Variants in C11orf87 observed in about 807,000 individuals in gnomAD.
The protein encoded by C11orf87 is uncharacterized protein C11orf87.
Under a neutral mutation model 9.2 loss-of-function variants are expected in C11orf87, and 3 were observed. The ratio of observed to expected loss-of-function variants is 0.33; its 90% CI spans 0.15 to 0.84. The LOEUF (loss-of-function observed/expected upper bound fraction) is 0.84, where lower values mean the gene tolerates loss of function less well. C11orf87 is among the 40% of genes least tolerant of loss of function. The pLI, the probability that C11orf87 is intolerant of heterozygous loss-of-function variation, is 0.55. For missense variants in C11orf87, 256 were observed against 270.7 expected (o/e 0.95, Z 0.38); for synonymous variants, 124 against 124.6 (o/e 1.00, Z 0.03).
At position 109,424,039 on chromosome 11, in the gene C11orf87, C is replaced by T. The variant is rs769535254; in HGVS notation, c.406C>T (p.Arg136Trp). ...AKETRLERQP[R>W]DSPFCAPSNA... is the part of the protein sequence containing the mutation. ...GGAAACCCGGCTGGAGAGGCAGCCC[C>T]GGGACTCTCCCTTCTGCGCCCCTTC... The change falls in exon 2 of 2, where the codon CGG (arginine) becomes TGG (tryptophan). Residue 136 changes from arginine to tryptophan, a missense_variant. Coordinates refer to ENST00000327419, the MANE Select transcript of C11orf87 (RefSeq NM_207645.4). The surrounding 1 kb of genome is among the most constrained non-coding windows in gnomAD (Gnocchi z 4.7). 5.6e-6 allele frequency: 9 copies of T among 1,613,950 alleles called. No homozygotes were observed. The highest frequency in any genetic ancestry group is 5.0e-5 in the Admixed American group (3 of 60,022).
At position 109,425,573 on chromosome 11, in the gene C11orf87, G is replaced by A. The variant is rs969384245; in HGVS notation, c.*1346G>A. 1 of 166,806 alleles carries A rather than the reference G, an allele frequency of 6.0e-6. No homozygotes were observed. Among genetic ancestry groups the A allele is most frequent in the Non-Finnish European group, 1.5e-5 (1 of 68,104 alleles). 10.3% of individuals were successfully genotyped at this position (166,806 alleles called of 1,614,324 possible). On this transcript the variant is annotated 3_prime_UTR_variant, in exon 2 of 2. Coordinates refer to ENST00000327419, the MANE Select transcript of C11orf87 (RefSeq NM_207645.4). ...TTCTTTTGTACCTTATTCTGTAGTAGACTGTTATAAAAAGATGACACACAC... is the reference window on the plus strand; with the variant it reads ...TTCTTTTGTACCTTATTCTGTAGTAAACTGTTATAAAAAGATGACACACAC...
chr11:109,423,665 T>A lies in C11orf87; in HGVS notation c.32T>A (p.Leu11Gln), dbSNP rs1197950435. 1.9e-6 allele frequency: 3 copies of A among 1,606,410 alleles called. No homozygotes were observed. Among genetic ancestry groups the A allele is most frequent in the Non-Finnish European group, 2.5e-6 (3 of 1,179,678 alleles). Residue 11 changes from leucine to glutamine, a missense_variant, in exon 2 of 2, where the codon CTG becomes CAG. Coordinates refer to ENST00000327419, the MANE Select transcript of C11orf87 (RefSeq NM_207645.4). This position sits in a 1 kb window ranked among gnomAD's most constrained non-coding sequence, Gnocchi z 5.3. MSARAPKELR[L>Q]ALPPCLLNRT... ...GCCAGGGCGCCGAAGGAGCTGAGGC[T>A]GGCGTTGCCGCCGTGTCTCCTCAAC...
chr11:109,424,277 C>A lies in C11orf87; in HGVS notation c.*50C>A. 6.8e-7 allele frequency: 1 copy of A among 1,476,490 alleles called. No homozygotes were observed. The highest frequency in any genetic ancestry group is 1.2e-5 in the South Asian group (1 of 82,308). 91.5% of individuals were successfully genotyped at this position (1,476,490 alleles called of 1,614,324 possible). A position where few individuals can be genotyped will look rare whatever the true frequency, so the allele number is the denominator to read the frequency against. On this transcript the variant is annotated 3_prime_UTR_variant, in exon 2 of 2. Coordinates refer to ENST00000327419, the MANE Select transcript of C11orf87 (RefSeq NM_207645.4). The surrounding 1 kb of genome is among the most constrained non-coding windows in gnomAD (Gnocchi z 4.7). Reference sequence around the variant, plus strand: ...TCCTCGTTTCCAGCATCTTTGCCACCCTTGCTTTTTTCCTTCTTCCTTCCT... The same window carrying A: ...TCCTCGTTTCCAGCATCTTTGCCACACTTGCTTTTTTCCTTCTTCCTTCCT...
rs975494627 is a variant in C11orf87, at chr11:109,427,412, C to T, written c.*3185C>T. ...TGAAATTCTAGTAATCCAGTTTCCACACAAAATTATTTCAATAAGCACATA... is the reference window on the plus strand; with the variant it reads ...TGAAATTCTAGTAATCCAGTTTCCATACAAAATTATTTCAATAAGCACATA... On this transcript the variant is annotated 3_prime_UTR_variant, in exon 2 of 2. Coordinates refer to ENST00000327419, the MANE Select transcript of C11orf87 (RefSeq NM_207645.4). 4 of 152,068 alleles carry T rather than the reference C, an allele frequency of 2.6e-5. No homozygotes were observed. Among genetic ancestry groups the T allele is most frequent in the Non-Finnish European group, 5.9e-5 (4 of 67,982 alleles). The allele number at this position is 152,068 out of a possible 1,614,324, so 9.4% of individuals were successfully genotyped here.
Position 109,424,319 on chromosome 11 carries a change from G to A in C11orf87, c.*92G>A, listed in dbSNP as rs959676697. On this transcript the variant is annotated 3_prime_UTR_variant, in exon 2 of 2. Transcript: ENST00000327419. This position sits in a 1 kb window ranked among gnomAD's most constrained non-coding sequence, Gnocchi z 4.7. ...TTCCTTCCTTTTCCATTTTCCTCTG[G>A]CCCCTCTTTCCTCTTCCTGGTTTCC... 3.5e-5 allele frequency: 37 copies of A among 1,055,778 alleles called. No homozygotes were observed. The East Asian group carries it at 9.4e-4, about 27-fold the overall frequency. 65.4% of individuals were successfully genotyped at this position (1,055,778 alleles called of 1,614,324 possible).
rs770848850 is a variant in C11orf87, at chr11:109,427,953, G to A, written c.*3726G>A. On this transcript the variant is annotated 3_prime_UTR_variant, in exon 2 of 2. Coordinates refer to ENST00000327419, the MANE Select transcript of C11orf87 (RefSeq NM_207645.4). ...ACCCAAAGAGGATACTGAAAAGTCC[G>A]GTATGTGCATGCACTTGTTTCTCTG... 2 of 151,960 alleles carry A rather than the reference G, an allele frequency of 1.3e-5. No individual in the cohort carries two copies. The highest frequency in any genetic ancestry group is 2.9e-5 in the Non-Finnish European group (2 of 67,968). 9.4% of individuals were successfully genotyped at this position (151,960 alleles called of 1,614,324 possible). A position where few individuals can be genotyped will look rare whatever the true frequency, so the allele number is the denominator to read the frequency against.
chr11:109,423,801 G>A lies in C11orf87; in HGVS notation c.168G>A (p.Gln56=), dbSNP rs748901880. Residue 56 remains glutamine, a synonymous_variant, in exon 2 of 2, where the codon CAG becomes CAA. Transcript: ENST00000327419. The surrounding 1 kb of genome is among the most constrained non-coding windows in gnomAD (Gnocchi z 5.3). ...CITQVGQQLF[Q]SFSSTLVLIV... ...CGCAGGTGGGACAGCAGCTCTTCCAGTCCTTCTCCTCCACGCTGGTGCTGA... is the reference window on the plus strand; with the variant it reads ...CGCAGGTGGGACAGCAGCTCTTCCAATCCTTCTCCTCCACGCTGGTGCTGA... The A allele has an allele frequency of 1.2e-6, 2 of 1,614,004 alleles. No homozygotes were observed. The highest frequency in any genetic ancestry group is 8.5e-7 in the Non-Finnish European group (1 of 1,179,990).
chr11:109,428,540 T>C lies in C11orf87; in HGVS notation c.*4313T>C, dbSNP rs1448302815. On this transcript the variant is annotated 3_prime_UTR_variant, in exon 2 of 2. Coordinates refer to ENST00000327419, the MANE Select transcript of C11orf87 (RefSeq NM_207645.4). ...TAAAGTAGAACCAGAAATTTTAATA[T>C]AATCTGATCAGGTTCCTTAGTCCCA... 6.6e-6 allele frequency: 1 copy of C among 152,170 alleles called. No individual in the cohort carries two copies. The highest frequency in any genetic ancestry group is 6.5e-5 in the Admixed American group (1 of 15,270). The allele number at this position is 152,170 out of a possible 1,614,324, so 9.4% of individuals were successfully genotyped here.
chr11:109,428,129 A>C lies in C11orf87; in HGVS notation c.*3902A>C, dbSNP rs1860597331. On this transcript the variant is annotated 3_prime_UTR_variant, in exon 2 of 2. Transcript: ENST00000327419. ...GTTATGACCATATCAATGTGGTCTA[A>C]ATATCTAGATGGAAAGCAAAAATAT... is the stretch of plus-strand genomic sequence containing the variant. 6.6e-6 allele frequency: 1 copy of C among 152,166 alleles called. No homozygotes were observed. The highest frequency in any genetic ancestry group is 1.5e-5 in the Non-Finnish European group (1 of 67,992). The allele number at this position is 152,166 out of a possible 1,614,324, so 9.4% of individuals were successfully genotyped here.
chr11:109,427,262 T>TTTAA lies in C11orf87; in HGVS notation c.*3037_*3040dup, dbSNP rs1243417369. 3 of 152,222 alleles carry TTTAA rather than the reference T, an allele frequency of 2.0e-5. No individual in the cohort carries two copies. Among genetic ancestry groups the TTTAA allele is most frequent in the African/African-American group, 7.2e-5 (3 of 41,464 alleles). 9.4% of individuals were successfully genotyped at this position (152,222 alleles called of 1,614,324 possible). ...CATTAATTGACTGTAGTTTAATATT[T>TTTAA]TTAATAGTGCTCTGTGTAAAGATGA... On this transcript the variant is annotated 3_prime_UTR_variant, in exon 2 of 2. Transcript: ENST00000327419.
Position 109,422,624 on chromosome 11 carries a change from TAGAA to T in C11orf87, c.-260+366_-260+369del, listed in dbSNP as rs568941517. Among the ~76,000 whole-genome samples the T allele has an allele frequency of 1.3e-3, 197 of 151,310 alleles. 1 individual carries two copies. The highest frequency in any genetic ancestry group is 4.6e-3 in the African/African-American group (189 of 41,170). ...CCTCCCCTTTCCATTCCAGCTCCTCTAGAAAGAAGCAGGCTACTGCCAAGTTGGG... is the reference window on the plus strand; with the variant it reads ...CCTCCCCTTTCCATTCCAGCTCCTCTAGAAGCAGGCTACTGCCAAGTTGGG... On this transcript the variant is annotated intron_variant, in intron 1 of 1. Transcript: ENST00000327419.
rs772868114 is a variant in C11orf87 at position 109,422,722 on chromosome 11, C to CTTTTTTTTTTTT, written c.-260+474_-260+485dup. Reference sequence around the variant, plus strand: ...TCAGCTGAGAAAGATGCTTCAGCTGCTTTTTTTTTTTTTTTTTTTTTTTTT... The same window carrying CTTTTTTTTTTTT: ...TCAGCTGAGAAAGATGCTTCAGCTGCTTTTTTTTTTTTTTTTTTTTTTTTTTTTTTTTTTTTT... On this transcript the variant is annotated intron_variant, in intron 1 of 1. Transcript: ENST00000327419. Among the ~76,000 whole-genome samples the CTTTTTTTTTTTT allele has an allele frequency of 2.4e-4, 17 of 71,424 alleles. 4 individuals are homozygous for CTTTTTTTTTTTT. Among genetic ancestry groups the CTTTTTTTTTTTT allele is most frequent in the African/African-American group, 1.0e-3 (15 of 14,488 alleles). The allele number at this position is 71,424 out of a possible 152,430, so 46.9% of individuals were successfully genotyped here.
Position 109,427,060 on chromosome 11 carries a change from C to A in C11orf87, c.*2833C>A, listed in dbSNP as rs1860581884. 6.6e-6 allele frequency: 1 copy of A among 152,182 alleles called. No individual in the cohort carries two copies. The allele number at this position is 152,182 out of a possible 1,614,324, so 9.4% of individuals were successfully genotyped here. Reference sequence around the variant, plus strand: ...CCCCTTCCAAGGAGCAGCCTGTACACTCTGTGGGGGTAATTATGAAATTGT... The same window carrying A: ...CCCCTTCCAAGGAGCAGCCTGTACAATCTGTGGGGGTAATTATGAAATTGT... On this transcript the variant is annotated 3_prime_UTR_variant, in exon 2 of 2. Transcript: ENST00000327419.
Position 109,424,333 on chromosome 11 carries a change from T to C in C11orf87, c.*106T>C. The C allele has an allele frequency of 1.1e-6, 1 of 877,374 alleles. No homozygotes were observed. Among genetic ancestry groups the C allele is most frequent in the Non-Finnish European group, 1.8e-6 (1 of 560,632 alleles). The allele number at this position is 877,374 out of a possible 1,614,324, so 54.3% of individuals were successfully genotyped here. ...ATTTTCCTCTGGCCCCTCTTTCCTC[T>C]TCCTGGTTTCCTTACCTGCCCTCCC... On this transcript the variant is annotated 3_prime_UTR_variant, in exon 2 of 2. Coordinates refer to ENST00000327419, the MANE Select transcript of C11orf87 (RefSeq NM_207645.4). The surrounding 1 kb of genome is among the most constrained non-coding windows in gnomAD (Gnocchi z 4.7).
rs772963131 is a variant in C11orf87, at chr11:109,423,723, C to T, written c.90C>T (p.Ser30=). ...RTFASPNASG[S]GNTGARGPGA... Reference sequence around the variant, plus strand: ...TTGCTTCCCCCAACGCCAGCGGCAGCGGCAACACGGGTGCCCGCGGCCCAG... The same window carrying T: ...TTGCTTCCCCCAACGCCAGCGGCAGTGGCAACACGGGTGCCCGCGGCCCAG... The change falls in exon 2 of 2, where the codon AGC becomes AGT. Residue 30 remains serine (S), a synonymous_variant. Coordinates refer to ENST00000327419, the MANE Select transcript of C11orf87 (RefSeq NM_207645.4). This position sits in a 1 kb window ranked among gnomAD's most constrained non-coding sequence, Gnocchi z 5.3. The T allele has an allele frequency of 2.5e-6, 4 of 1,613,484 alleles. No individual in the cohort carries two copies. Among genetic ancestry groups the T allele is most frequent in the East Asian group, 2.2e-5 (1 of 44,854 alleles).
At position 109,428,133 on chromosome 11, in the gene C11orf87, T is replaced by C. The variant is rs974592275; in HGVS notation, c.*3906T>C. 2 of 152,154 alleles carry C rather than the reference T, an allele frequency of 1.3e-5. No individual in the cohort carries two copies. Among genetic ancestry groups the C allele is most frequent in the Non-Finnish European group, 2.9e-5 (2 of 67,996 alleles). The allele number at this position is 152,154 out of a possible 1,614,324, so 9.4% of individuals were successfully genotyped here. On this transcript the variant is annotated 3_prime_UTR_variant, in exon 2 of 2. Coordinates refer to ENST00000327419, the MANE Select transcript of C11orf87 (RefSeq NM_207645.4). Reference sequence around the variant, plus strand: ...TGACCATATCAATGTGGTCTAAATATCTAGATGGAAAGCAAAAATATCCAG... The same window carrying C: ...TGACCATATCAATGTGGTCTAAATACCTAGATGGAAAGCAAAAATATCCAG...
In C11orf87 at chr11:109,428,544, C is replaced by T. The variant is rs1860602175; in HGVS notation, c.*4317C>T. The T allele has an allele frequency of 6.6e-6, 1 of 152,076 alleles. No individual in the cohort carries two copies. Among genetic ancestry groups the T allele is most frequent in the South Asian group, 2.1e-4 (1 of 4,824 alleles). 9.4% of individuals were successfully genotyped at this position (152,076 alleles called of 1,614,324 possible). On this transcript the variant is annotated 3_prime_UTR_variant, in exon 2 of 2. Coordinates refer to ENST00000327419, the MANE Select transcript of C11orf87 (RefSeq NM_207645.4). ...GTAGAACCAGAAATTTTAATATAATCTGATCAGGTTCCTTAGTCCCATTCC... is the reference window on the plus strand; with the variant it reads ...GTAGAACCAGAAATTTTAATATAATTTGATCAGGTTCCTTAGTCCCATTCC...
In C11orf87 at chr11:109,423,072, C is replaced by T. The variant is rs958347052; in HGVS notation, c.-259-303C>T. The stretch of plus-strand genomic sequence containing the variant: ...GAAGTAGGGACTTCAACCAAAGCGG[C>T]TGCGTGTCTGTTGCAATTATAAAGT... On this transcript the variant is annotated intron_variant, in intron 1 of 1. Transcript: ENST00000327419. This position sits in a 1 kb window ranked among gnomAD's most constrained non-coding sequence, Gnocchi z 5.3. Among the ~76,000 whole-genome samples, 1 of 152,110 alleles carries T rather than the reference C, an allele frequency of 6.6e-6. No homozygotes were observed. The highest frequency in any genetic ancestry group is 2.4e-5 in the African/African-American group (1 of 41,406).
chr11:109,423,470 G>A lies in C11orf87; in HGVS notation c.-164G>A. The stretch of plus-strand genomic sequence containing the variant: ...GCGCCGCTCACTCCTTGGTCGCCTT[G>A]CTTGCCAGCAGTTGCTCCCTTAGTC... On this transcript the variant is annotated 5_prime_UTR_variant, in exon 2 of 2. Transcript: ENST00000327419. This position sits in a 1 kb window ranked among gnomAD's most constrained non-coding sequence, Gnocchi z 5.3. 4 of 680,930 alleles carry A rather than the reference G, an allele frequency of 5.9e-6. No individual in the cohort carries two copies. Among genetic ancestry groups the A allele is most frequent in the Non-Finnish European group, 7.3e-6 (3 of 413,686 alleles). 42.2% of individuals were successfully genotyped at this position (680,930 alleles called of 1,614,324 possible).
Sources: allele counts gnomAD v4.1 joint callset (sites outside exome capture counted in the v4.1 genomes callset), GRCh38; gene constraint gnomAD v4.1.1; non-coding constraint Gnocchi (gnomAD v3.1); transcripts MANE v1.5; gene names NCBI Gene and HGNC (gene_info 2026-07-23, HGNC 2026-07-21).